Variants in STAU2 observed in about 807,000 individuals in gnomAD.
STAU2 encodes staufen double-stranded RNA binding protein 2.
A neutral mutation model predicts 65.9 loss-of-function variants in STAU2; 20 were observed. That is an observed-to-expected ratio of 0.30 (90% CI 0.21 to 0.44). The LOEUF (loss-of-function observed/expected upper bound fraction) is 0.44. STAU2 is among the 20% of genes least tolerant of loss of function. The pLI, the probability that STAU2 is intolerant of heterozygous loss-of-function variation, is 1.00. For missense variants in STAU2, 558 were observed against 683.9 expected, an observed-to-expected ratio of 0.82 and a Z score of 2.05; for synonymous variants, 232 against 233.9, an observed-to-expected ratio of 0.99 and a Z score of 0.07.
intron 8 of STAU2, among the ~76,000 whole-genome samples, chr8:73,615,013 T>C (rs1204488482): frequency 6.6e-6 from 1 of 152,146 alleles, no homozygotes; most frequent in African/African-American, 2.4e-5. Context: ...TTCTAGTAGG[T>C]GAATGTCATA....
intron 13 of STAU2, among the ~76,000 whole-genome samples, chr8:73,465,153 G>A (rs1346915293): frequency 4.6e-5 from 7 of 152,150 alleles, no homozygotes; most frequent in Non-Finnish European, 8.8e-5. Context: ...AGCCCACCCC[G>A]GCCCACACTG....
chr8:73,452,828 T>C (rs894424256), intron 13 of STAU2, among the ~76,000 whole-genome samples: 4 of 152,240 alleles, frequency 2.6e-5, no homozygotes, highest in African/African-American at 7.2e-5. Context: ...CAAATTACAG[T>C]GTATCTCAGT....
intron 13 of STAU2, chr8:73,527,477 T>C: frequency 5.0e-6 from 2 of 403,782 alleles, no homozygotes; most frequent in Middle Eastern, 6.9e-4. Flanking sequence ...AAAATAATAA[T>C]GAACTGCAAA....
chr8:73,426,863 C>T (rs1376439946), intron 13 of STAU2, among the ~76,000 whole-genome samples: 4 of 151,642 alleles, frequency 2.6e-5, no homozygotes. Context: ...CATCTCAATA[C>T]TTTCCTTATG....
intron 5 of STAU2, among the ~76,000 whole-genome samples, chr8:73,676,572 C>T (rs987140039): frequency 2.0e-5 from 3 of 152,132 alleles, no homozygotes; most frequent in African/African-American, 4.8e-5. Flanking sequence ...TTAGCTTCCA[C>T]TAAACAAGAA....
chr8:73,441,848 T>G (rs1042324228), intron 13 of STAU2, among the ~76,000 whole-genome samples: 1 of 152,266 alleles, frequency 6.6e-6, no homozygotes, highest in African/African-American at 2.4e-5. Flanking sequence ...CTAATGTATT[T>G]TAAACTTGTT....
chr8:73,704,701 CCT>C (rs1820374987), intron 4 of STAU2, among the ~76,000 whole-genome samples: 1 of 151,846 alleles, frequency 6.6e-6, no homozygotes, highest in African/African-American at 2.4e-5. Context: ...ATGGAGTCTC[CCT>C]CTGTCGCCAG....
chr8:73,647,045 A>ATCTG (rs1815439374), intron 6 of STAU2, among the ~76,000 whole-genome samples: 1 of 80,296 alleles, frequency 1.2e-5, no homozygotes, highest in African/African-American at 5.8e-5. Context: ...ATAACTACAC[A>ATCTG]TCAGAATGAC....
chr8:73,689,471 C>T (rs1465784746), intron 4 of STAU2, among the ~76,000 whole-genome samples: 2 of 152,178 alleles, frequency 1.3e-5, no homozygotes, highest in Non-Finnish European at 2.9e-5. Flanking sequence ...CCAACTTCAT[C>T]ACCCCAATCA....
At chr8:73,477,502 G>A (rs571481808) in intron 13 of STAU2, among the ~76,000 whole-genome samples, 5 of 152,288 alleles carry the variant, frequency 3.3e-5, no homozygotes, top group African/African-American at 1.2e-4. Flanking sequence ...AAAGTTTGAA[G>A]GTCACTTCTT....
chr8:73,706,603 T>C lies in STAU2; in HGVS notation c.114+2429A>G, dbSNP rs190353912. Among the ~76,000 whole-genome samples, 84 of 152,338 alleles carry C rather than the reference T, an allele frequency of 5.5e-4. 1 individual carries two copies. The highest frequency in any genetic ancestry group is 1.9e-3 in the African/African-American group (77 of 41,576). On this transcript the variant is annotated intron_variant, in intron 4 of 14. Coordinates refer to ENST00000524300, the MANE Select transcript of STAU2 (RefSeq NM_001164380.2). Reference sequence around the variant, plus strand: ...TTAGGATTAATATTAACTATATTATTATGTGAACTTATCAATATCATGTTT... The same window carrying C: ...TTAGGATTAATATTAACTATATTATCATGTGAACTTATCAATATCATGTTT...
At chr8:73,570,950 C>T (rs1809033372) in intron 12 of STAU2, among the ~76,000 whole-genome samples, 2 of 152,080 alleles carry the variant, frequency 1.3e-5, no homozygotes, top group Admixed American at 6.6e-5. Context: ...GACAGACTGG[C>T]AGTTTGGATA....
intron 6 of STAU2, among the ~76,000 whole-genome samples, chr8:73,630,618 C>T (rs911367926): frequency 2.6e-5 from 4 of 152,172 alleles, no homozygotes; most frequent in Non-Finnish European, 5.9e-5. Flanking sequence ...TCATGACATC[C>T]TACTATTCCC....
intron 13 of STAU2, among the ~76,000 whole-genome samples, chr8:73,481,314 C>T (rs1357532680): frequency 2.0e-5 from 3 of 151,860 alleles, no homozygotes; most frequent in Admixed American, 6.6e-5. Context: ...AAGGAAAGCA[C>T]AACATTGCCA....
At chr8:73,574,941 A>T (rs1003332366) in intron 12 of STAU2, among the ~76,000 whole-genome samples, 1 of 151,670 alleles carries the variant, frequency 6.6e-6, no homozygotes, top group Non-Finnish European at 1.5e-5. Flanking sequence ...AATAAAAATA[A>T]AGAAATGTTT....
chr8:73,582,867 C>T (rs1810094100), intron 11 of STAU2, 37 bp from the exon 12 acceptor site: 1 of 1,551,510 alleles, frequency 6.4e-7, no homozygotes, highest in Non-Finnish European at 8.7e-7. Flanking sequence ...TCCAGAGAAA[C>T]AAGCTTATTC....
chr8:73,683,839 A>G (rs74622883), intron 5 of STAU2, among the ~76,000 whole-genome samples: 28,961 of 152,138 alleles, frequency 0.19, 3,006 homozygotes, highest in East Asian at 0.36. Context: ...AATCAAATCA[A>G]GAACTCAAAC....
intron 12 of STAU2, among the ~76,000 whole-genome samples, chr8:73,570,640 C>T (rs1368361855): frequency 6.6e-6 from 1 of 152,046 alleles, no homozygotes; most frequent in Non-Finnish European, 1.5e-5. Flanking sequence ...CCCCAAGACA[C>T]GTAATTGTCA....
chr8:73,718,946 T>C (rs1243973341), intron 3 of STAU2, among the ~76,000 whole-genome samples: 1 of 152,218 alleles, frequency 6.6e-6, no homozygotes, highest in Non-Finnish European at 1.5e-5. Context: ...ATTTTCTACA[T>C]AGACAATCAG....
Sources: allele counts gnomAD v4.1 joint callset (sites outside exome capture counted in the v4.1 genomes callset), GRCh38; gene constraint gnomAD v4.1.1; transcripts MANE v1.5; gene names NCBI Gene and HGNC (gene_info 2026-07-23, HGNC 2026-07-21).